The following STAG1 variants were observed in gnomAD, a reference collection of about 807,000 sequenced individuals.
The protein encoded by STAG1 is cohesin subunit SA-1.
A neutral mutation model predicts 170.9 loss-of-function variants in STAG1; 26 were observed. The observed-to-expected ratio is 0.15, with a 90% confidence interval of 0.11 to 0.21. The LOEUF (loss-of-function observed/expected upper bound fraction) is 0.21. Among genes scored for constraint, STAG1 ranks in the 10% least tolerant of loss-of-function variants. The pLI, the probability that STAG1 is intolerant of heterozygous loss-of-function variation, is 1.00. For synonymous variants in STAG1, 514 were observed against 497.7 expected (o/e 1.03, Z -0.44); for missense variants, 964 against 1,509.5 (o/e 0.64, Z 5.99).
At chr3:136,596,185 CT>C (rs1411056194) in intron 4 of STAG1, among the ~76,000 whole-genome samples, 1 of 152,168 alleles carries the variant, frequency 6.6e-6, no homozygotes, top group African/African-American at 2.4e-5. Flanking sequence ...TGGTAAAATG[CT>C]ATCAAACAGC....
chr3:136,433,430 C>T, intron 16 of STAG1, 126 bp downstream of exon 16: 2 of 703,014 alleles, frequency 2.8e-6, no homozygotes, highest in African/African-American at 1.8e-5. Context: ...GATGAAGCAC[C>T]ATAGTCCATC....
chr3:136,666,093 A>G (rs1270821188), intron 1 of STAG1, among the ~76,000 whole-genome samples: 14 of 141,420 alleles, frequency 9.9e-5, no homozygotes, highest in Non-Finnish European at 1.2e-4. Flanking sequence ...AAAAAAAAAA[A>G]AAAAAAAAAA....
At chr3:136,430,413 A>G (rs556951196) in intron 16 of STAG1, among the ~76,000 whole-genome samples, 2 of 152,322 alleles carry the variant, frequency 1.3e-5, no homozygotes, top group South Asian at 2.1e-4. Context: ...ATAATAAAAC[A>G]TAGCAATTTT....
chr3:136,507,540 A>AT (rs1161036372), intron 7 of STAG1, among the ~76,000 whole-genome samples: 5 of 151,296 alleles, frequency 3.3e-5, no homozygotes, highest in African/African-American at 7.3e-5. Context: ...TAAAAAAAAA[A>AT]TTTTTTTGTA....
intron 5 of STAG1, among the ~76,000 whole-genome samples, chr3:136,552,272 T>G (rs575225125): frequency 2.6e-5 from 4 of 152,214 alleles, no homozygotes; most frequent in Admixed American, 2.6e-4. Flanking sequence ...AATTATTCAT[T>G]TCCACAAAAA....
intron 28 of STAG1, among the ~76,000 whole-genome samples, chr3:136,350,761 G>C (rs925984532): frequency 6.6e-6 from 1 of 152,166 alleles, no homozygotes; most frequent in African/African-American, 2.4e-5. Flanking sequence ...AGGTGGTGGT[G>C]ATGACTTTGT....
chr3:136,433,102 G>A (rs1411098858), intron 16 of STAG1, among the ~76,000 whole-genome samples: 3 of 151,952 alleles, frequency 2.0e-5, no homozygotes, highest in Non-Finnish European at 4.4e-5. Flanking sequence ...AGAGCCAGGA[G>A]TCTCTCCATC....
chr3:136,540,257 T>G (rs542666927), intron 6 of STAG1, among the ~76,000 whole-genome samples: 1 of 151,854 alleles, frequency 6.6e-6, no homozygotes, highest in Admixed American at 6.6e-5. Context: ...GCCTCAAATA[T>G]CTAGTAAGTA....
At chr3:136,573,331 G>C (rs1418179346) in intron 4 of STAG1, among the ~76,000 whole-genome samples, 1 of 152,024 alleles carries the variant, frequency 6.6e-6, no homozygotes, top group Non-Finnish European at 1.5e-5. Context: ...TAAATACAGG[G>C]GACCATGACT....
At chr3:136,477,939 G>C (rs181672754) in intron 9 of STAG1, among the ~76,000 whole-genome samples, 1 of 152,082 alleles carries the variant, frequency 6.6e-6, no homozygotes, top group Non-Finnish European at 1.5e-5. Context: ...ACAGGTGCAA[G>C]CCACCACACC....
In STAG1 at chr3:136,633,962, TAAAAAA is replaced by T. The variant is rs67810422; in HGVS notation, c.-83-2987_-83-2982del. ...AACATGGTGAAACCCTGTCTCTACTTAAAAAAAAAAAAAAAAAAAAAAAAAAAAATT... is the reference window on the plus strand; with the variant it reads ...AACATGGTGAAACCCTGTCTCTACTTAAAAAAAAAAAAAAAAAAAAAAATT... On this transcript the variant is annotated intron_variant, in intron 1 of 33. Transcript: ENST00000383202. Among the ~76,000 whole-genome samples the T allele has an allele frequency of 9.0e-3, 454 of 50,342 alleles. 6 individuals carry two copies. Among genetic ancestry groups the T allele is most frequent in the South Asian group, 0.081 (63 of 774 alleles). 33.0% of individuals were successfully genotyped at this position (50,342 alleles called of 152,430 possible).
intron 16 of STAG1, 27 bp downstream of exon 16, chr3:136,433,529 A>C: frequency 1.1e-4 from 164 of 1,507,668 alleles, no homozygotes; most frequent in Non-Finnish European, 1.3e-4. Flanking sequence ...AAAACCTTTT[A>C]GGAGATTTCT....
rs146728762 is a variant in STAG1, at chr3:136,715,668, T to C, written c.-84+36527A>G. ...GTATATTTATATCTAATTAACTTTATGTGTTTTATTTCACAATAAAAGGGA... is the reference window on the plus strand; with the variant it reads ...GTATATTTATATCTAATTAACTTTACGTGTTTTATTTCACAATAAAAGGGA... On this transcript the variant is annotated intron_variant, in intron 1 of 33. Coordinates refer to ENST00000383202, the MANE Select transcript of STAG1 (RefSeq NM_005862.3). 3.0e-4 allele frequency among the ~76,000 whole-genome samples: 45 copies of C among 152,198 alleles called. 1 individual carries two copies. The highest frequency in any genetic ancestry group is 7.9e-4 in the Admixed American group (12 of 15,276).
rs1298436680 is a variant in STAG1 at position 136,579,992 on chromosome 3, G to A, written c.298-11131C>T. Among the ~76,000 whole-genome samples the A allele has an allele frequency of 1.8e-3, 132 of 74,218 alleles. 1 individual carries two copies. The highest frequency in any genetic ancestry group is 7.7e-3 in the African/African-American group (116 of 15,074). The allele number at this position is 74,218 out of a possible 152,430, so 48.7% of individuals were successfully genotyped here. A position where few individuals can be genotyped will look rare whatever the true frequency, so the allele number is the denominator to read the frequency against. On this transcript the variant is annotated intron_variant, in intron 4 of 33. Coordinates refer to ENST00000383202, the MANE Select transcript of STAG1 (RefSeq NM_005862.3). ...TTTTTTTTTTTTTTTTTTTTGAGAC[G>A]GAGTCTCACTCTGTCGCCAGGCTGG...
intron 1 of STAG1, among the ~76,000 whole-genome samples, chr3:136,645,685 C>G (rs909432114): frequency 1.3e-5 from 2 of 152,248 alleles, no homozygotes; most frequent in African/African-American, 4.8e-5. Flanking sequence ...GCTCAACTAT[C>G]TGGAACATAG....
intron 1 of STAG1, among the ~76,000 whole-genome samples, chr3:136,707,958 T>C (rs966138270): frequency 6.6e-6 from 1 of 151,954 alleles, no homozygotes; most frequent in East Asian, 1.9e-4. Flanking sequence ...ATTCAAACAA[T>C]AGCAGGCGGC....
chr3:136,487,002 A>T (rs2090029157), intron 9 of STAG1, among the ~76,000 whole-genome samples: 1 of 4,612 alleles, frequency 2.2e-4, no homozygotes, highest in Non-Finnish European at 6.4e-4. Flanking sequence ...ATTTCTTCAA[A>T]AAAAAAAAAA....
intron 4 of STAG1, among the ~76,000 whole-genome samples, chr3:136,579,736 C>T (rs912949102): frequency 6.6e-6 from 1 of 152,118 alleles, no homozygotes; most frequent in Admixed American, 6.6e-5. Context: ...AGGGGCAACT[C>T]CTACATTCTA....
At chr3:136,674,146 G>A (rs1396675618) in intron 1 of STAG1, among the ~76,000 whole-genome samples, 1 of 69,554 alleles carries the variant, frequency 1.4e-5, no homozygotes, top group Non-Finnish European at 3.0e-5. Flanking sequence ...AAGGAAGGAG[G>A]GAGGGAGAGA....
Sources: allele counts gnomAD v4.1 joint callset (sites outside exome capture counted in the v4.1 genomes callset), GRCh38; gene constraint gnomAD v4.1.1; transcripts MANE v1.5; gene names NCBI Gene and HGNC (gene_info 2026-07-23, HGNC 2026-07-21).